Variants in ZC3H12B observed in about 807,000 individuals in gnomAD.
ZC3H12B encodes probable ribonuclease ZC3H12B.
In ZC3H12B, 7 loss-of-function variants were observed where a neutral mutation model predicts 43.9. The observed-to-expected ratio is 0.16, with a 90% confidence interval of 0.09 to 0.30. ZC3H12B has a LOEUF of 0.30. ZC3H12B is among the 10% of genes least tolerant of loss of function. The pLI, the probability that ZC3H12B is intolerant of heterozygous loss-of-function variation, is 1.00. For synonymous variants in ZC3H12B, 222 were observed against 241.7 expected, an observed-to-expected ratio of 0.92 and a Z score of 0.76; for missense variants, 475 against 670.2, an observed-to-expected ratio of 0.71 and a Z score of 3.22.
the ZC3H12B span, among the ~76,000 whole-genome samples, chrX:65,194,266 G>C: frequency 1.2e-5 from 1 of 81,460 alleles, no homozygotes; most frequent in African/African-American, 4.5e-5. Flanking sequence ...AGGGGGGAGG[G>C]ATAGCATTAG....
At chrX:65,304,699 A>C in the ZC3H12B span, among the ~76,000 whole-genome samples, 8 of 111,602 alleles carry the variant, frequency 7.2e-5, no homozygotes, top group African/African-American at 9.7e-5. Flanking sequence ...CATTAACCTA[A>C]ATGTAAAACC....
chrX:65,383,878 G>A (rs1250992080), intron 2 of ZC3H12B, among the ~76,000 whole-genome samples: 1 of 106,096 alleles, frequency 9.4e-6, no homozygotes, highest in African/African-American at 3.4e-5. Flanking sequence ...AACAGGTGCT[G>A]GAGAGGATGT....
intron 2 of ZC3H12B, among the ~76,000 whole-genome samples, chrX:65,394,457 G>A (rs925064927): frequency 7.1e-5 from 8 of 112,167 alleles, no homozygotes; most frequent in African/African-American, 1.3e-4. Flanking sequence ...ATTAAATAGC[G>A]AATCTTTTCC....
the ZC3H12B span, among the ~76,000 whole-genome samples, chrX:65,205,101 G>A: frequency 8.9e-6 from 1 of 111,949 alleles, no homozygotes; most frequent in Non-Finnish European, 1.9e-5. Context: ...TTCACTTCAT[G>A]GGAGAAAATA....
chrX:65,217,966 G>A, the ZC3H12B span, among the ~76,000 whole-genome samples: 2 of 111,843 alleles, frequency 1.8e-5, no homozygotes, highest in East Asian at 2.8e-4. Flanking sequence ...GAAACACCAA[G>A]AAGATTCAAC....
At chrX:65,293,573 A>C in the ZC3H12B span, among the ~76,000 whole-genome samples, 11 of 110,353 alleles carry the variant, frequency 1.0e-4, no homozygotes, top group Admixed American at 1.9e-4. Context: ...GGACCAGAGA[A>C]AGGTGAATAC....
chrX:65,084,627 G>A, the ZC3H12B span, among the ~76,000 whole-genome samples: 1 of 112,611 alleles, frequency 8.9e-6, no homozygotes, highest in Non-Finnish European at 1.9e-5. Flanking sequence ...GTGAGGGTGT[G>A]AAGAAAAGGC....
chrX:65,373,943 AT>A (rs1302707307), intron 2 of ZC3H12B, among the ~76,000 whole-genome samples: 1 of 46,953 alleles, frequency 2.1e-5, no homozygotes, highest in Non-Finnish European at 2.8e-5. Context: ...GTATATATAT[AT>A]AGTTATATAT....
At chrX:65,143,112 TATTA>T in the ZC3H12B span, among the ~76,000 whole-genome samples, 1 of 111,738 alleles carries the variant, frequency 8.9e-6, no homozygotes, top group Non-Finnish European at 1.9e-5. Context: ...ATTTTCACAA[TATTA>T]ATTCTACCTA....
chrX:65,053,909 T>C, the ZC3H12B span, among the ~76,000 whole-genome samples: 1 of 110,425 alleles, frequency 9.1e-6, no homozygotes, highest in Non-Finnish European at 1.9e-5. Flanking sequence ...ATGTCTTCTT[T>C]TGAGAAGTGT....
chrX:65,324,066 T>C, the ZC3H12B span, among the ~76,000 whole-genome samples: 1 of 112,182 alleles, frequency 8.9e-6, no homozygotes, highest in African/African-American at 3.2e-5. Context: ...GTAAATTTGT[T>C]TAAGTTCCCT....
chrX:65,230,633 G>C, the ZC3H12B span, among the ~76,000 whole-genome samples: 1 of 99,890 alleles, frequency 1.0e-5, no homozygotes, highest in East Asian at 3.2e-4. Flanking sequence ...AAAACGAATT[G>C]AAATTTTAAA....
At chrX:65,384,589 C>A (rs34831229) in intron 2 of ZC3H12B, among the ~76,000 whole-genome samples, 10,193 of 110,400 alleles carry the variant, frequency 0.092, 536 homozygotes, top group Non-Finnish European at 0.15. Flanking sequence ...GGTTAATAAA[C>A]TATTGCTATA....
the ZC3H12B span, among the ~76,000 whole-genome samples, chrX:65,201,639 CCTCTCTCTCTCT>C: frequency 5.0e-3 from 322 of 64,531 alleles, 1 homozygote; most frequent in South Asian, 0.02. Flanking sequence ...TGAAAGATCA[CCTCTCTCTCTCT>C]CTCTCTCTCT....
the ZC3H12B span, among the ~76,000 whole-genome samples, chrX:65,159,550 T>C: frequency 8.9e-5 from 10 of 111,939 alleles, no homozygotes; most frequent in African/African-American, 3.2e-4. Context: ...AGTTCACTCA[T>C]GATTTGGCTC....
the ZC3H12B span, among the ~76,000 whole-genome samples, chrX:65,265,327 G>T: frequency 4.5e-5 from 5 of 111,745 alleles, no homozygotes; most frequent in African/African-American, 1.6e-4. Flanking sequence ...AGAAAATAGG[G>T]ATTATTGGCA....
chrX:65,311,690 C>A, the ZC3H12B span, among the ~76,000 whole-genome samples: 1 of 111,690 alleles, frequency 9.0e-6, no homozygotes, highest in Admixed American at 9.5e-5. Flanking sequence ...AAGACACATG[C>A]ACACGTATGT....
At chrX:65,301,129 A>G in the ZC3H12B span, among the ~76,000 whole-genome samples, 1 of 111,435 alleles carries the variant, frequency 9.0e-6, no homozygotes, top group Non-Finnish European at 1.9e-5. Flanking sequence ...CAAAACCACA[A>G]TGCAATACCT....
At chrX:65,280,337 T>TA in the ZC3H12B span, among the ~76,000 whole-genome samples, 43 of 112,320 alleles carry the variant, frequency 3.8e-4, no homozygotes, top group Non-Finnish European at 7.5e-4. Context: ...AAGCTTTTGG[T>TA]AAAATTCATT....
Sources: allele counts gnomAD v4.1 joint callset (sites outside exome capture counted in the v4.1 genomes callset), GRCh38; gene constraint gnomAD v4.1.1; transcripts MANE v1.5; gene names NCBI Gene and HGNC (gene_info 2026-07-23, HGNC 2026-07-21).